AGTPBP1: variants seen among roughly 807,000 people sequenced by gnomAD.
AGTPBP1 encodes ATP/GTP binding carboxypeptidase 1.
In AGTPBP1, 70 loss-of-function variants were observed where a neutral mutation model predicts 143.9. The ratio of observed to expected loss-of-function variants is 0.49; its 90% confidence interval spans 0.40 to 0.59. The LOEUF (loss-of-function observed/expected upper bound fraction) is 0.59. Ranked by LOEUF, AGTPBP1 falls within the 20% of genes least tolerant of loss-of-function variation. The probability of loss-of-function intolerance (pLI) is 0.00; values close to 1 mark genes in which losing one functional copy is unlikely to be tolerated. For missense variants in AGTPBP1, 1,229 were observed against 1,464.5 expected (o/e 0.84, Z 2.62); for synonymous variants, 463 against 500.2 (o/e 0.93, Z 0.99).
At chr9:85,723,528 T>G (rs1158562083) in intron 1 of AGTPBP1, among the ~76,000 whole-genome samples, 1 of 152,138 alleles carries the variant, frequency 6.6e-6, no homozygotes, top group Non-Finnish European at 1.5e-5. Context: ...TCCTGGTCTG[T>G]GGGTTGCGAA....
At chr9:85,663,789 T>C (rs527972894) in intron 8 of AGTPBP1, among the ~76,000 whole-genome samples, 2 of 151,842 alleles carry the variant, frequency 1.3e-5, no homozygotes, top group East Asian at 3.9e-4. Context: ...CTCCTAGATA[T>C]CTATTCAGCA....
intron 1 of AGTPBP1, among the ~76,000 whole-genome samples, chr9:85,730,676 A>G (rs778872283): frequency 2.6e-5 from 4 of 152,176 alleles, no homozygotes; most frequent in Admixed American, 2.6e-4. Flanking sequence ...GCCCTTTGAC[A>G]TAGCCTTGAA....
chr9:85,681,140 T>C lies in AGTPBP1; in HGVS notation c.225+128A>G, dbSNP rs1362167373. ...CCTCTAAAACAAAAATTATTACATATACGTGTGTGTGTATATATGTACGTG... is the reference window on the plus strand; with the variant it reads ...CCTCTAAAACAAAAATTATTACATACACGTGTGTGTGTATATATGTACGTG... On this transcript the variant is annotated intron_variant, in intron 4 of 25. Coordinates refer to ENST00000357081, the MANE Select transcript of AGTPBP1 (RefSeq NM_001330701.2). 27 of 813,214 alleles carry C rather than the reference T, an allele frequency of 3.3e-5. No homozygotes were observed. In the East Asian group the frequency reaches 6.9e-4, roughly 21 times the overall value. 50.4% of individuals were successfully genotyped at this position (813,214 alleles called of 1,614,324 possible).
At chr9:85,765,426 A>G in the AGTPBP1 span, among the ~76,000 whole-genome samples, 1 of 152,048 alleles carries the variant, frequency 6.6e-6, no homozygotes, top group Non-Finnish European at 1.5e-5. Flanking sequence ...CAAAATTCCA[A>G]TCCCAGTAAA....
intron 3 of AGTPBP1, 67 bp from the exon 4 acceptor site, chr9:85,681,402 T>A (rs943147193): frequency 1.5e-6 from 2 of 1,339,388 alleles, no homozygotes; most frequent in South Asian, 2.5e-5. Flanking sequence ...TTTTGTTGCA[T>A]ATAGCTAATA....
At chr9:85,688,913 T>C (rs894333949) in intron 3 of AGTPBP1, among the ~76,000 whole-genome samples, 5 of 152,228 alleles carry the variant, frequency 3.3e-5, no homozygotes, top group Non-Finnish European at 7.3e-5. Context: ...TGCTAACAAT[T>C]TGATATGTAT....
chr9:85,719,632 C>T (rs1404601091), intron 1 of AGTPBP1, among the ~76,000 whole-genome samples: 2 of 152,174 alleles, frequency 1.3e-5, no homozygotes, highest in East Asian at 3.9e-4. Context: ...TTCCTCTTTT[C>T]CTAACTGAAT....
At chr9:85,750,082 T>C in the AGTPBP1 span, among the ~76,000 whole-genome samples, 6,740 of 152,138 alleles carry the variant, frequency 0.044, 281 homozygotes, top group African/African-American at 0.097. Context: ...CAGGGTTTCA[T>C]GGTGTTAGCT....
At chr9:85,635,956 C>T (rs1017045057) in intron 13 of AGTPBP1, among the ~76,000 whole-genome samples, 1 of 152,218 alleles carries the variant, frequency 6.6e-6, no homozygotes, top group South Asian at 2.1e-4. Context: ...CACATGGATT[C>T]GCAGCCTGAA....
chr9:85,619,268 T>G lies in AGTPBP1; in HGVS notation c.2133A>C (p.Lys711Asn). 2 of 1,613,018 alleles carry G rather than the reference T, an allele frequency of 1.2e-6. No homozygotes were observed. Among genetic ancestry groups the G allele is most frequent in the Non-Finnish European group, 1.7e-6 (2 of 1,179,494 alleles). ...TCCCAGACTCAAATTTGGAGTTAAA[T>G]TTCAAAATATCTCCCTCTTCTGGAA... ...YTIPEEGDILKFNSKFESGNL... is the reference protein window; with the variant it reads ...YTIPEEGDILNFNSKFESGNL... The change falls in exon 16 of 26, where the codon AAA (lysine) becomes AAC (asparagine). Residue 711 changes from lysine (K) to asparagine (N), a missense_variant. By Grantham distance (94) the Lys-to-Asn change is moderately conservative. Coordinates refer to ENST00000357081, the MANE Select transcript of AGTPBP1 (RefSeq NM_001330701.2).
At chr9:85,644,540 A>C (rs942477145) in intron 12 of AGTPBP1, among the ~76,000 whole-genome samples, 4 of 152,076 alleles carry the variant, frequency 2.6e-5, no homozygotes, top group African/African-American at 7.2e-5. Flanking sequence ...TTTAAGAAGA[A>C]ACAGTAGTGA....
At chr9:85,583,302 G>A (rs1213024824) in intron 23 of AGTPBP1, among the ~76,000 whole-genome samples, 1 of 152,138 alleles carries the variant, frequency 6.6e-6, no homozygotes, top group Admixed American at 6.5e-5. Context: ...GAACTAATAT[G>A]ATTATAAAAT....
intron 14 of AGTPBP1, 59 bp downstream of exon 14, chr9:85,632,603 G>C: frequency 7.1e-7 from 1 of 1,399,662 alleles, no homozygotes; most frequent in Non-Finnish European, 9.6e-7. Flanking sequence ...ATTTTTTTAA[G>C]ACTGCCTCAT....
At chr9:85,757,130 G>C in the AGTPBP1 span, among the ~76,000 whole-genome samples, 2 of 152,138 alleles carry the variant, frequency 1.3e-5, no homozygotes, top group South Asian at 4.2e-4. Context: ...GCAGTGGCGC[G>C]ATCTGTGCTC....
intron 14 of AGTPBP1, among the ~76,000 whole-genome samples, chr9:85,626,761 T>A (rs546192551): frequency 7.2e-5 from 11 of 152,218 alleles, no homozygotes; most frequent in African/African-American, 2.6e-4. Context: ...ACAAAAACAG[T>A]CATAGACAAT....
chr9:85,621,240 A>G lies in AGTPBP1; in HGVS notation c.2061T>C (p.Asp687=). The G allele has an allele frequency of 6.8e-7, 1 of 1,470,520 alleles. No individual in the cohort carries two copies. The highest frequency in any genetic ancestry group is 8.9e-7 in the Non-Finnish European group (1 of 1,117,344). 91.1% of individuals were successfully genotyped at this position (1,470,520 alleles called of 1,614,324 possible). The change falls in exon 15 of 26, where the codon GAT becomes GAC. Residue 687 remains aspartate, a synonymous_variant. Transcript: ENST00000357081. The part of the protein sequence containing the change: ...QDIERLIHQS[D]IIDRVVYDLD... ...AGTCATATACCACACGATCTATGAT[A>G]TCACTCTGATGTATTAGCCTTTCAA...
the AGTPBP1 span, chr9:85,791,583 T>G: frequency 6.6e-6 from 1 of 152,058 alleles, no homozygotes; most frequent in Non-Finnish European, 1.5e-5. Context: ...TTTGAAAGCA[T>G]TCCATAGACA....
At chr9:85,725,177 T>C (rs991027750) in intron 1 of AGTPBP1, among the ~76,000 whole-genome samples, 10 of 152,176 alleles carry the variant, frequency 6.6e-5, no homozygotes, top group Non-Finnish European at 1.3e-4. Context: ...GACACAGACA[T>C]GTTCAGTTTT....
At chr9:85,764,292 G>A in the AGTPBP1 span, among the ~76,000 whole-genome samples, 6 of 152,192 alleles carry the variant, frequency 3.9e-5, no homozygotes, top group East Asian at 9.7e-4. Flanking sequence ...ACTTTGGGGG[G>A]CTGAGGCGGG....
Sources: gnomAD v4.1 joint callset for allele counts (sites outside exome capture counted in the v4.1 genomes callset) on GRCh38, gnomAD v4.1.1 for gene constraint, MANE v1.5 for transcripts, NCBI Gene and HGNC (gene_info 2026-07-23, HGNC 2026-07-21) for gene names.